The following PPP1R13B variants were observed in gnomAD, a reference collection of about 807,000 sequenced individuals.
PPP1R13B encodes apoptosis-stimulating of p53 protein 1.
Under a neutral mutation model 119.8 loss-of-function variants are expected in PPP1R13B, and 44 were observed. The observed-to-expected ratio is 0.37, with a 90% CI of 0.29 to 0.47. The LOEUF (loss-of-function observed/expected upper bound fraction) is 0.47. Among genes scored for constraint, PPP1R13B ranks in the 20% least tolerant of loss-of-function variants. The probability of loss-of-function intolerance (pLI) is 0.99; values close to 1 mark genes in which losing one functional copy is unlikely to be tolerated. For missense variants in PPP1R13B, 1,227 were observed against 1,413.5 expected, an observed-to-expected ratio of 0.87 and a Z score of 2.12; for synonymous variants, 542 against 561.5, an observed-to-expected ratio of 0.97 and a Z score of 0.49.
intron 12 of PPP1R13B, 33 bp from the exon 13 acceptor site, chr14:103,739,056 G>T (rs747793738): frequency 6.3e-7 from 1 of 1,596,592 alleles, no homozygotes; most frequent in Admixed American, 1.7e-5. Flanking sequence ...TCCAGTTAAA[G>T]GTGGTCCACT....
chr14:103,803,879 G>A (rs2085958983), intron 1 of PPP1R13B, among the ~76,000 whole-genome samples: 1 of 152,068 alleles, frequency 6.6e-6, no homozygotes, highest in Non-Finnish European at 1.5e-5. Flanking sequence ...GACCTGACCT[G>A]AGAAAGACTG....
intron 7 of PPP1R13B, 138 bp from the exon 8 acceptor site, chr14:103,750,072 A>C: frequency 1.1e-6 from 1 of 888,398 alleles, no homozygotes; most frequent in South Asian, 1.7e-5. Context: ...CTTGTGTGGA[A>C]TATTTCACAG....
intron 1 of PPP1R13B, among the ~76,000 whole-genome samples, chr14:103,841,796 CAAGT>C (rs1053153277): frequency 3.3e-5 from 5 of 152,154 alleles, no homozygotes; most frequent in Admixed American, 1.3e-4. Context: ...CCTGCCAAAA[CAAGT>C]GTCAAGTTGC....
chr14:103,766,641 G>A (rs1035439044), intron 4 of PPP1R13B, among the ~76,000 whole-genome samples: 11 of 152,058 alleles, frequency 7.2e-5, no homozygotes, highest in East Asian at 3.9e-4. Flanking sequence ...CAAGAGTCTC[G>A]CTCTGTCACC....
At chr14:103,810,861 G>A (rs1237223337) in intron 1 of PPP1R13B, among the ~76,000 whole-genome samples, 3 of 151,548 alleles carry the variant, frequency 2.0e-5, no homozygotes, top group Middle Eastern at 3.4e-3. Flanking sequence ...AGCTGAGCCC[G>A]GTGGATCACT....
At chr14:103,772,531 T>C (rs1169265713) in intron 4 of PPP1R13B, among the ~76,000 whole-genome samples, 2 of 152,250 alleles carry the variant, frequency 1.3e-5, no homozygotes, top group Non-Finnish European at 2.9e-5. Context: ...GACATTCTAA[T>C]AGGTGTGTAA....
At position 103,738,465 on chromosome 14, in the gene PPP1R13B, A is replaced by AATT. The variant is rs1281854574; in HGVS notation, c.2864+213_2864+214insAAT. On this transcript the variant is annotated intron_variant, in intron 14 of 16. Transcript: ENST00000202556. The surrounding 1 kb of genome is among the most constrained non-coding windows in gnomAD (Gnocchi z 5.6). ...TAATGACGAGGCACAGAAAGAGCAT[A>AATT]ACCACAGCCACGTTTTTAACAAAAT... 2.9e-6 allele frequency: 2 copies of AATT among 678,272 alleles called. No individual in the cohort carries two copies. The highest frequency in any genetic ancestry group is 3.6e-5 in the African/African-American group (2 of 55,370). 42.0% of individuals were successfully genotyped at this position (678,272 alleles called of 1,614,324 possible). A position where few individuals can be genotyped will look rare whatever the true frequency, so the allele number is the denominator to read the frequency against.
At chr14:103,739,736 G>A in intron 12 of PPP1R13B, 88 bp downstream of exon 12, 4 of 1,427,262 alleles carry the variant, frequency 2.8e-6, no homozygotes, top group East Asian at 2.4e-5. Context: ...ACTGCTCCCA[G>A]CACAGCCTGA....
chr14:103,735,261 GA>G lies in PPP1R13B; in HGVS notation c.3232-67del, dbSNP rs541844495. 6,550 of 1,537,296 alleles carry G rather than the reference GA, an allele frequency of 4.3e-3. 23 individuals carry two copies. Among genetic ancestry groups the G allele is most frequent in the Non-Finnish European group, 5.6e-3 (6,259 of 1,112,766 alleles). On this transcript the variant is annotated intron_variant, in intron 16 of 16. Transcript: ENST00000202556. ...ACAGGGAGCAGGGCCAGCCAGACCC[GA>G]CCCCTGCTCCTCACCTCAGCCACCC... is the stretch of plus-strand genomic sequence containing the variant.
At chr14:103,819,707 A>G (rs938230525) in intron 1 of PPP1R13B, among the ~76,000 whole-genome samples, 1 of 151,790 alleles carries the variant, frequency 6.6e-6, no homozygotes, top group African/African-American at 2.4e-5. Context: ...CCTAGAGAGA[A>G]AGCCTACCAC....
chr14:103,734,676 A>AG lies in PPP1R13B; in HGVS notation c.*477dup. 1 of 456,962 alleles carries AG rather than the reference A, an allele frequency of 2.2e-6. No individual in the cohort carries two copies. The highest frequency in any genetic ancestry group is 4.4e-6 in the Non-Finnish European group (1 of 227,092). 28.3% of individuals were successfully genotyped at this position (456,962 alleles called of 1,614,324 possible). Reference sequence around the variant, plus strand: ...CATACAGAGGCTCCTTTGGTGATGAAGGGAAGAAGGATCATGTGTGGGAAG... The same window carrying AG: ...CATACAGAGGCTCCTTTGGTGATGAAGGGGAAGAAGGATCATGTGTGGGAAG... On this transcript the variant is annotated 3_prime_UTR_variant, in exon 17 of 17. Transcript: ENST00000202556.
chr14:103,779,236 T>C (rs8022783), intron 3 of PPP1R13B, among the ~76,000 whole-genome samples: 67,577 of 151,642 alleles, frequency 0.45, 15,560 homozygotes, highest in African/African-American at 0.56. Context: ...CTGCAGTAAG[T>C]CAGGATTGGG....
chr14:103,799,420 C>T (rs1391253290), intron 1 of PPP1R13B, among the ~76,000 whole-genome samples: 16 of 151,916 alleles, frequency 1.1e-4, no homozygotes, highest in Non-Finnish European at 1.8e-4. Context: ...CCTCATGATC[C>T]GCCCGCCTTG....
chr14:103,841,758 C>A (rs17101877), intron 1 of PPP1R13B, among the ~76,000 whole-genome samples: 2,185 of 152,244 alleles, frequency 0.014, 48 homozygotes, highest in African/African-American at 0.05. Context: ...ATAAAAGATG[C>A]TTCGGAAATG....
chr14:103,786,478 G>A (rs2085464176), intron 2 of PPP1R13B, among the ~76,000 whole-genome samples: 1 of 151,970 alleles, frequency 6.6e-6, no homozygotes, highest in Admixed American at 6.6e-5. Flanking sequence ...AAAAATCTGG[G>A]TTGTGGCTGA....
intron 4 of PPP1R13B, among the ~76,000 whole-genome samples, chr14:103,776,193 G>C (rs1255903910): frequency 8.9e-6 from 1 of 112,516 alleles, no homozygotes; most frequent in East Asian, 2.5e-4. Context: ...AGGGAGGAAG[G>C]AAGGAAGGAA....
chr14:103,788,457 T>C (rs1021423579), intron 2 of PPP1R13B, among the ~76,000 whole-genome samples: 1 of 152,188 alleles, frequency 6.6e-6, no homozygotes, highest in Non-Finnish European at 1.5e-5. Flanking sequence ...AGAACAAAGA[T>C]TGATACGGAT....
chr14:103,777,197 T>C (rs986040266), intron 4 of PPP1R13B, among the ~76,000 whole-genome samples: 1 of 152,024 alleles, frequency 6.6e-6, no homozygotes, highest in African/African-American at 2.4e-5. Flanking sequence ...TTCACCATAT[T>C]GGTCAGACTG....
chr14:103,789,367 C>T (rs934972162), intron 2 of PPP1R13B, among the ~76,000 whole-genome samples: 12 of 151,698 alleles, frequency 7.9e-5, no homozygotes, highest in Non-Finnish European at 1.3e-4. Flanking sequence ...TACAGGCATG[C>T]GCCACCACAC....
Sources: gnomAD v4.1 joint callset for allele counts (sites outside exome capture counted in the v4.1 genomes callset) on GRCh38, gnomAD v4.1.1 for gene constraint, Gnocchi (gnomAD v3.1) non-coding constraint, MANE v1.5 for transcripts, NCBI Gene and HGNC (gene_info 2026-07-23, HGNC 2026-07-21) for gene names.